Variants in ARHGEF28 observed in about 807,000 individuals in gnomAD.
ARHGEF28 encodes 190 kDa guanine nucleotide exchange factor.
Under a neutral mutation model 206.6 loss-of-function variants are expected in ARHGEF28, and 152 were observed. The observed-to-expected ratio is 0.74, with a 90% CI of 0.64 to 0.84. The LOEUF (loss-of-function observed/expected upper bound fraction) is 0.84, where lower values mean the gene tolerates loss of function less well. Among genes scored for constraint, ARHGEF28 ranks in the 40% least tolerant of loss-of-function variants. The probability of loss-of-function intolerance (pLI) is 0.00; values close to 1 mark genes in which losing one functional copy is unlikely to be tolerated. For synonymous variants in ARHGEF28, 763 were observed against 776.4 expected, an observed-to-expected ratio of 0.98 and a Z score of 0.29; for missense variants, 2,028 against 2,073.2, an observed-to-expected ratio of 0.98 and a Z score of 0.42.
chr5:73,937,420 T>C (rs1038022396), intron 35 of ARHGEF28, among the ~76,000 whole-genome samples: 1 of 152,232 alleles, frequency 6.6e-6, no homozygotes, highest in South Asian at 2.1e-4. Context: ...GGCTTTTATG[T>C]GTTTTAGCTT....
intron 3 of ARHGEF28, among the ~76,000 whole-genome samples, chr5:73,750,622 A>G (rs2112398335): frequency 2.0e-5 from 3 of 152,236 alleles, no homozygotes; most frequent in Admixed American, 2.0e-4. Context: ...TATTGTGACG[A>G]GCTAATAGCC....
At chr5:73,833,634 C>G (rs1364446128) in intron 10 of ARHGEF28, among the ~76,000 whole-genome samples, 1 of 152,148 alleles carries the variant, frequency 6.6e-6, no homozygotes, top group African/African-American at 2.4e-5. Flanking sequence ...TTTCAAGACA[C>G]AGGATGTGTT....
intron 2 of ARHGEF28, among the ~76,000 whole-genome samples, chr5:73,747,616 T>A (rs958009203): frequency 9.2e-5 from 14 of 152,222 alleles, no homozygotes; most frequent in African/African-American, 3.4e-4. Flanking sequence ...GGTTTCTGTA[T>A]CACCCCCTTC....
intron 1 of ARHGEF28, among the ~76,000 whole-genome samples, chr5:73,667,570 C>A (rs77268898): frequency 1.9e-3 from 286 of 152,334 alleles, no homozygotes; most frequent in African/African-American, 6.0e-3. Flanking sequence ...GATGAATAGA[C>A]TCTGGCTTCC....
intron 2 of ARHGEF28, among the ~76,000 whole-genome samples, chr5:73,734,349 G>A (rs1385760066): frequency 1.3e-5 from 2 of 152,180 alleles, no homozygotes; most frequent in African/African-American, 4.8e-5. Context: ...GATAGCTGGG[G>A]TTGGGATGAG....
chr5:73,764,532 T>C (rs1276255508), intron 4 of ARHGEF28, among the ~76,000 whole-genome samples: 1 of 152,202 alleles, frequency 6.6e-6, no homozygotes, highest in Admixed American at 6.5e-5. Flanking sequence ...TGAATGTGTG[T>C]GTGATGGGTG....
At chr5:73,923,866 A>G (rs1763659783) in intron 35 of ARHGEF28, among the ~76,000 whole-genome samples, 1 of 152,214 alleles carries the variant, frequency 6.6e-6, no homozygotes, top group African/African-American at 2.4e-5. Flanking sequence ...AGAAAAAAAC[A>G]CTAGGGTTGA....
intron 9 of ARHGEF28, among the ~76,000 whole-genome samples, chr5:73,814,924 C>T (rs901160094): frequency 6.6e-6 from 1 of 152,174 alleles, no homozygotes; most frequent in Non-Finnish European, 1.5e-5. Context: ...TTTCATGTTG[C>T]TCAGCTGCCA....
At chr5:73,744,680 T>C (rs1751624540) in intron 2 of ARHGEF28, among the ~76,000 whole-genome samples, 3 of 152,066 alleles carry the variant, frequency 2.0e-5, no homozygotes, top group Admixed American at 2.0e-4. Context: ...TATTTAACAG[T>C]CAACTTATAT....
At chr5:73,692,415 G>GT (rs1233700956) in intron 2 of ARHGEF28, among the ~76,000 whole-genome samples, 2 of 152,166 alleles carry the variant, frequency 1.3e-5, no homozygotes, top group East Asian at 1.9e-4. Flanking sequence ...GGCAGTGGGA[G>GT]TTTTTTGCTT....
chr5:73,851,267 C>A (rs1758681941), intron 13 of ARHGEF28, among the ~76,000 whole-genome samples: 1 of 152,128 alleles, frequency 6.6e-6, no homozygotes, highest in Non-Finnish European at 1.5e-5. Context: ...CTCCTTATGT[C>A]CCAGAGGGAA....
chr5:73,687,984 G>A (rs1165266171), intron 2 of ARHGEF28, among the ~76,000 whole-genome samples: 3 of 152,062 alleles, frequency 2.0e-5, no homozygotes, highest in Non-Finnish European at 4.4e-5. Flanking sequence ...TGTACTTCAA[G>A]TAATCCTACT....
At chr5:73,719,697 A>G (rs911760241) in intron 2 of ARHGEF28, among the ~76,000 whole-genome samples, 4 of 152,258 alleles carry the variant, frequency 2.6e-5, no homozygotes, top group Admixed American at 1.3e-4. Context: ...CAAATGTGTT[A>G]TAGTAGATGT....
At chr5:73,688,369 A>G (rs1747599887) in intron 2 of ARHGEF28, among the ~76,000 whole-genome samples, 1 of 152,040 alleles carries the variant, frequency 6.6e-6, no homozygotes. Context: ...GTTTTGATGG[A>G]ATTCTTATAA....
At chr5:73,670,511 G>T (rs1287450860) in intron 1 of ARHGEF28, among the ~76,000 whole-genome samples, 2 of 152,110 alleles carry the variant, frequency 1.3e-5, no homozygotes, top group African/African-American at 2.4e-5. Flanking sequence ...TTTCTCCAAG[G>T]AGAAAATGCC....
chr5:73,873,183 A>G lies in ARHGEF28; in HGVS notation c.2751A>G (p.Glu917=), dbSNP rs753985676. The change falls in exon 22 of 36, where the codon GAA becomes GAG. Residue 917 remains glutamate, a synonymous_variant. Coordinates refer to ENST00000513042, the MANE Select transcript of ARHGEF28 (RefSeq NM_001177693.2). Reference sequence around the variant, plus strand: ...ACAGTATGAAGGAACGAAGGCAGGAATCCTGTGCTGGCAGCGACAGGAATT... The same window carrying G: ...ACAGTATGAAGGAACGAAGGCAGGAGTCCTGTGCTGGCAGCGACAGGAATT... ...FFYSMKERRQ[E]SCAGSDRNFV... is the part of the protein sequence containing the mutation. The G allele has an allele frequency of 3.7e-6, 6 of 1,612,318 alleles. No homozygotes were observed. The Admixed American group carries it at 8.4e-5, about 22-fold the overall frequency.
intron 35 of ARHGEF28, among the ~76,000 whole-genome samples, chr5:73,928,043 T>C (rs1197145323): frequency 6.6e-6 from 1 of 152,218 alleles, no homozygotes; most frequent in Non-Finnish European, 1.5e-5. Flanking sequence ...AAGTTTTATG[T>C]TTTCCTGAAT....
chr5:73,733,915 A>AG (rs1224377640), intron 2 of ARHGEF28, among the ~76,000 whole-genome samples: 1 of 151,654 alleles, frequency 6.6e-6, no homozygotes, highest in African/African-American at 2.4e-5. Flanking sequence ...CAGAAGGTGA[A>AG]GGGGGAGCAC....
chr5:73,856,409 A>T (rs1380420138), intron 14 of ARHGEF28, among the ~76,000 whole-genome samples: 1 of 152,218 alleles, frequency 6.6e-6, no homozygotes, highest in African/African-American at 2.4e-5. Context: ...AAGTAACAGG[A>T]CATAACACTG....
Sources: gnomAD v4.1 joint callset for allele counts (sites outside exome capture counted in the v4.1 genomes callset) on GRCh38, gnomAD v4.1.1 for gene constraint, MANE v1.5 for transcripts, NCBI Gene and HGNC (gene_info 2026-07-23, HGNC 2026-07-21) for gene names.